The following LRMDA variants were observed in gnomAD, a reference collection of about 807,000 sequenced individuals.
LRMDA encodes leucine-rich melanocyte differentiation-associated protein.
In LRMDA, 18 loss-of-function variants were observed where a neutral mutation model predicts 29.8. The ratio of observed to expected loss-of-function variants is 0.60; its 90% CI spans 0.42 to 0.90. The LOEUF (loss-of-function observed/expected upper bound fraction) is 0.90, where lower values mean the gene tolerates loss of function less well. Among genes scored for constraint, LRMDA ranks in the 40% least tolerant of loss-of-function variants. LRMDA has a pLI of 0.00. For missense variants in LRMDA, 273 were observed against 273.9 expected, an observed-to-expected ratio of 1.00 and a Z score of 0.02; for synonymous variants, 125 against 109.4, an observed-to-expected ratio of 1.14 and a Z score of -0.89.
intron 2 of LRMDA, among the ~76,000 whole-genome samples, chr10:75,628,948 T>C (rs1841285657): frequency 6.6e-6 from 1 of 152,372 alleles, no homozygotes; most frequent in Non-Finnish European, 1.5e-5. Context: ...CAAATAGCCA[T>C]GGACCCCAAG....
intron 6 of LRMDA, among the ~76,000 whole-genome samples, chr10:76,532,550 C>T (rs1402699094): frequency 6.6e-6 from 1 of 152,120 alleles, no homozygotes; most frequent in Admixed American, 6.6e-5. Context: ...CAATCAAATG[C>T]TTGACTGTGC....
chr10:76,240,276 T>G lies in LRMDA; in HGVS notation c.517-84125T>G, dbSNP rs574915790. Among the ~76,000 whole-genome samples, 22 of 151,544 alleles carry G rather than the reference T, an allele frequency of 1.5e-4. No individual in the cohort carries two copies. In the East Asian group the frequency reaches 4.3e-3, roughly 29 times the overall value. On this transcript the variant is annotated intron_variant, in intron 5 of 6. Transcript: ENST00000611255. ...ATAAAAAGGAATGAAATAATGGCAT[T>G]TGCAGCAACCTGGATGGAATTGGAG...
chr10:75,976,220 G>A lies in LRMDA; in HGVS notation c.132-59788G>A, dbSNP rs538078280. On this transcript the variant is annotated intron_variant, in intron 2 of 6. Transcript: ENST00000611255. ...TACATGCCAGGCCCCTTGGCCTTGTGTGGTCACTCAAAAAGAACAAACCTA... is the reference window on the plus strand; with the variant it reads ...TACATGCCAGGCCCCTTGGCCTTGTATGGTCACTCAAAAAGAACAAACCTA... Among the ~76,000 whole-genome samples the A allele has an allele frequency of 3.9e-5, 6 of 152,374 alleles. No individual in the cohort carries two copies. The South Asian group carries it at 6.2e-4, about 16-fold the overall frequency.
At chr10:76,180,393 C>T (rs1439516575) in intron 5 of LRMDA, among the ~76,000 whole-genome samples, 1 of 151,210 alleles carries the variant, frequency 6.6e-6, no homozygotes, top group Non-Finnish European at 1.5e-5. Flanking sequence ...AATTTTCCTC[C>T]CTCAGCCTCC....
In LRMDA at chr10:76,378,858, C is replaced by CTTT. The variant is rs144037195; in HGVS notation, c.601+54387_601+54389dup. Among the ~76,000 whole-genome samples the CTTT allele has an allele frequency of 2.3e-3, 268 of 118,960 alleles. 9 individuals are homozygous for CTTT. Among genetic ancestry groups the CTTT allele is most frequent in the Non-Finnish European group, 3.4e-3 (210 of 61,440 alleles). 78.0% of individuals were successfully genotyped at this position (118,960 alleles called of 152,430 possible). A position where few individuals can be genotyped will look rare whatever the true frequency, so the allele number is the denominator to read the frequency against. On this transcript the variant is annotated intron_variant, in intron 6 of 6. Transcript: ENST00000611255. Reference sequence around the variant, plus strand: ...CTTTTCTCTCTTTTTCTTTTTTTTTCTTTTTTTTTTTTTTTTGAGACGATG... The same window carrying CTTT: ...CTTTTCTCTCTTTTTCTTTTTTTTTCTTTTTTTTTTTTTTTTTTTGAGACGATG...
chr10:75,486,550 G>A lies in LRMDA; in HGVS notation c.131+48056G>A, dbSNP rs143040187. 4.4e-3 allele frequency among the ~76,000 whole-genome samples: 665 copies of A among 152,282 alleles called. 2 individuals carry two copies. Among genetic ancestry groups the A allele is most frequent in the Non-Finnish European group, 5.7e-3 (391 of 68,022 alleles). Reference sequence around the variant, plus strand: ...GGAGTTGACTGAGAGAGCATTTTGAGGTGGGATGAGGAAGGAAAGCTTTAT... The same window carrying A: ...GGAGTTGACTGAGAGAGCATTTTGAAGTGGGATGAGGAAGGAAAGCTTTAT... On this transcript the variant is annotated intron_variant, in intron 2 of 6. Coordinates refer to ENST00000611255, the MANE Select transcript of LRMDA (RefSeq NM_001305581.2).
chr10:76,253,707 T>G (rs1281327159), intron 5 of LRMDA, among the ~76,000 whole-genome samples: 1 of 152,210 alleles, frequency 6.6e-6, no homozygotes, highest in African/African-American at 2.4e-5. Flanking sequence ...TCAACAAAAA[T>G]ATTTGCCCAA....
intron 5 of LRMDA, among the ~76,000 whole-genome samples, chr10:76,086,875 A>G (rs1380577452): frequency 6.6e-6 from 1 of 152,212 alleles, no homozygotes; most frequent in Non-Finnish European, 1.5e-5. Flanking sequence ...TGAGATTGCA[A>G]ACCACAGAAA....
At chr10:75,863,423 G>A (rs1453560163) in intron 2 of LRMDA, among the ~76,000 whole-genome samples, 2 of 152,202 alleles carry the variant, frequency 1.3e-5, no homozygotes, top group Non-Finnish European at 2.9e-5. Flanking sequence ...ATTTGGGGAT[G>A]ATCTGGTGTT....
intron 5 of LRMDA, among the ~76,000 whole-genome samples, chr10:76,062,549 T>C (rs1331217093): frequency 6.6e-6 from 1 of 152,100 alleles, no homozygotes; most frequent in Non-Finnish European, 1.5e-5. Context: ...TTTTGTTGTT[T>C]CAAAGCTGGC....
chr10:76,507,767 T>C (rs1040923177), intron 6 of LRMDA, among the ~76,000 whole-genome samples: 1 of 152,120 alleles, frequency 6.6e-6, no homozygotes, highest in South Asian at 2.1e-4. Context: ...TTCCCCAGTG[T>C]ATGTTCTTGA....
chr10:76,508,415 T>A (rs771394110), intron 6 of LRMDA, among the ~76,000 whole-genome samples: 20 of 152,174 alleles, frequency 1.3e-4, no homozygotes, highest in Non-Finnish European at 1.6e-4. Context: ...CTCCAAATAC[T>A]GCTGTGAGAA....
intron 2 of LRMDA, among the ~76,000 whole-genome samples, chr10:75,909,075 T>C (rs1845803670): frequency 6.6e-6 from 1 of 152,302 alleles, no homozygotes; most frequent in Non-Finnish European, 1.5e-5. Context: ...AATCTTGGGC[T>C]AAGGGTTGAG....
chr10:76,324,050 C>G (rs1170292532), intron 5 of LRMDA, among the ~76,000 whole-genome samples: 1 of 152,160 alleles, frequency 6.6e-6, no homozygotes, highest in Non-Finnish European at 1.5e-5. Flanking sequence ...TCATAGCCAG[C>G]CTTTACTTTG....
intron 4 of LRMDA, among the ~76,000 whole-genome samples, chr10:76,055,552 G>A (rs752555031): frequency 6.6e-6 from 1 of 152,142 alleles, no homozygotes; most frequent in Non-Finnish European, 1.5e-5. Flanking sequence ...CCACCTACTC[G>A]GCCTGGTGGG....
intron 6 of LRMDA, among the ~76,000 whole-genome samples, chr10:76,514,383 CA>C (rs746341296): frequency 4.6e-5 from 7 of 152,086 alleles, no homozygotes; most frequent in Non-Finnish European, 7.4e-5. Flanking sequence ...GGTTGCTTAG[CA>C]GAGAAGTGGA....
intron 6 of LRMDA, among the ~76,000 whole-genome samples, chr10:76,372,455 A>G (rs898665824): frequency 3.9e-5 from 6 of 151,918 alleles, no homozygotes; most frequent in Admixed American, 2.6e-4. Flanking sequence ...TCTACTAAAA[A>G]TACAAAAATT....
chr10:76,374,088 C>A (rs148753388), intron 6 of LRMDA, among the ~76,000 whole-genome samples: 177 of 152,286 alleles, frequency 1.2e-3, no homozygotes, highest in South Asian at 2.9e-3. Flanking sequence ...TTCACCCCTC[C>A]CATGTTGACA....
rs1405148737 is a variant in LRMDA at position 76,498,088 on chromosome 10, G to A, written c.602-59121G>A. 1.9e-4 allele frequency among the ~76,000 whole-genome samples: 14 copies of A among 75,542 alleles called. 5 individuals are homozygous for A. Among genetic ancestry groups the A allele is most frequent in the Admixed American group, 1.5e-3 (12 of 8,092 alleles). 49.6% of individuals were successfully genotyped at this position (75,542 alleles called of 152,430 possible). On this transcript the variant is annotated intron_variant, in intron 6 of 6. Coordinates refer to ENST00000611255, the MANE Select transcript of LRMDA (RefSeq NM_001305581.2). ...AGCTTCCTGTTGAAGAGACCTTTAT[G>A]GACATTGATTAATTTCATGGAAGCT...
Sources: gnomAD v4.1 joint callset for allele counts (sites outside exome capture counted in the v4.1 genomes callset) on GRCh38, gnomAD v4.1.1 for gene constraint, MANE v1.5 for transcripts, NCBI Gene and HGNC (gene_info 2026-07-23, HGNC 2026-07-21) for gene names.